NQO1: variants seen among roughly 807,000 people sequenced by gnomAD.
NQO1 encodes the protein NAD(P)H dehydrogenase [quinone] 1.
A neutral mutation model predicts 32.1 loss-of-function variants in NQO1; 30 were observed. The observed-to-expected ratio is 0.94, with a 90% CI of 0.70 to 1.27. The LOEUF is 1.27. Among genes scored for constraint, NQO1 ranks in the 50% most tolerant of loss-of-function variants. NQO1 has a pLI of 0.00. For synonymous variants in NQO1, 109 were observed against 119.7 expected, an observed-to-expected ratio of 0.91 and a Z score of 0.59; for missense variants, 276 against 331.3, an observed-to-expected ratio of 0.83 and a Z score of 1.30.
intron 3 of NQO1, among the ~76,000 whole-genome samples, chr16:69,716,192 A>ATC (rs1555537920): frequency 0.053 from 7,579 of 144,022 alleles, 504 homozygotes; most frequent in African/African-American, 0.15. Flanking sequence ...TAATAATAAT[A>ATC]ATCATCATCA....
chr16:69,716,971 C>T (rs79436701), intron 3 of NQO1, among the ~76,000 whole-genome samples: 4,486 of 151,496 alleles, frequency 0.03, 122 homozygotes, highest in East Asian at 0.13. Context: ...TTTTTAAAGC[C>T]GTCCTTTGGG....
intron 5 of NQO1, among the ~76,000 whole-genome samples, chr16:69,712,015 C>A (rs2038048098): frequency 6.6e-6 from 1 of 152,160 alleles, no homozygotes; most frequent in Non-Finnish European, 1.5e-5. Flanking sequence ...TAGAAATTAT[C>A]TTGAGGGTTT....
intron 5 of NQO1, among the ~76,000 whole-genome samples, chr16:69,711,654 CTT>C (rs903633662): frequency 2.9e-4 from 40 of 136,646 alleles, no homozygotes; most frequent in Non-Finnish European, 3.2e-4. Flanking sequence ...TTTTCTTTTT[CTT>C]TTTTTTTTTT....
intron 1 of NQO1, among the ~76,000 whole-genome samples, chr16:69,722,111 C>G (rs1205242891): frequency 7.1e-6 from 1 of 141,214 alleles, no homozygotes; most frequent in African/African-American, 2.7e-5. Flanking sequence ...CATACCCTAC[C>G]ATGAACAGTG....
chr16:69,722,256 C>T (rs554074457), intron 1 of NQO1, among the ~76,000 whole-genome samples: 2 of 152,178 alleles, frequency 1.3e-5, no homozygotes, highest in East Asian at 3.9e-4. Flanking sequence ...TTCTGCCTCC[C>T]GGGTTCAAGC....
intron 1 of NQO1, 27 bp from the exon 2 acceptor site, chr16:69,718,561 C>G (rs689452): frequency 0.87 from 1,398,293 of 1,609,374 alleles, 609,131 homozygotes; most frequent in Admixed American, 0.93. Context: ...AAAGCACACA[C>G]GGAAAACCCA....
chr16:69,713,155 C>T, intron 4 of NQO1, 26 bp from the exon 5 acceptor site: 1 of 1,529,722 alleles, frequency 6.5e-7, no homozygotes, highest in Non-Finnish European at 9.1e-7. Context: ...CAATAACAAA[C>T]TTCACTTCCC....
chr16:69,709,826 C>T lies in NQO1; in HGVS notation c.*1150G>A, dbSNP rs1328707589. The T allele has an allele frequency of 2.5e-6, 1 of 398,396 alleles. No individual in the cohort carries two copies. The highest frequency in any genetic ancestry group is 4.4e-5 in the Admixed American group (1 of 22,700). The allele number at this position is 398,396 out of a possible 1,614,324, so 24.7% of individuals were successfully genotyped here. A position where few individuals can be genotyped will look rare whatever the true frequency, so the allele number is the denominator to read the frequency against. ...TAAAACTCTAGGTTTACAATTGTAC[C>T]CCAAGGTCATGGGACTGGACCCCAT... On this transcript the variant is annotated 3_prime_UTR_variant, in exon 6 of 6. Transcript: ENST00000320623.
At chr16:69,717,995 A>G in intron 3 of NQO1, 128 bp downstream of exon 3, 1 of 1,282,296 alleles carries the variant, frequency 7.8e-7, no homozygotes. Context: ...CCTTTAAAGT[A>G]ATCACCCTTA....
chr16:69,723,075 T>C lies in NQO1; in HGVS notation c.7+3358A>G, dbSNP rs537160522. Among the ~76,000 whole-genome samples the C allele has an allele frequency of 7.5e-3, 1,148 of 152,178 alleles. 8 individuals carry two copies. Among genetic ancestry groups the C allele is most frequent in the Non-Finnish European group, 0.012 (846 of 67,990 alleles). Reference sequence around the variant, plus strand: ...CCAGAGTAGCTGGGATTACAGGCGCTCGCCGCCACGCCCGGCTAATTGTAT... The same window carrying C: ...CCAGAGTAGCTGGGATTACAGGCGCCCGCCGCCACGCCCGGCTAATTGTAT... On this transcript the variant is annotated intron_variant, in intron 1 of 5. Transcript: ENST00000320623.
intron 1 of NQO1, among the ~76,000 whole-genome samples, chr16:69,723,933 T>C (rs184097577): frequency 6.6e-6 from 1 of 152,262 alleles, no homozygotes. Flanking sequence ...CTATTAGAGT[T>C]TACCCTGAGA....
rs750831703 is a variant in NQO1 at position 69,711,060 on chromosome 16, C to T, written c.741G>A (p.Glu247=). The change falls in exon 6 of 6, where the codon GAG becomes GAA. Residue 247 remains glutamate, a synonymous_variant. Transcript: ENST00000320623. ...FLMKKEVQDE[E]KNKKFGLSVG... ...CAGAAAGGCCAAATTTCTTGTTTTT[C>T]TCCTCATCCTGTACCTCTTTTTTCA... The T allele has an allele frequency of 6.8e-6, 11 of 1,614,028 alleles. No homozygotes were observed. The highest frequency in any genetic ancestry group is 4.4e-5 in the South Asian group (4 of 91,084).
chr16:69,725,437 C>T (rs1339828957), intron 1 of NQO1, among the ~76,000 whole-genome samples: 1 of 152,172 alleles, frequency 6.6e-6, no homozygotes, highest in East Asian at 1.9e-4. Flanking sequence ...GTTATTTATG[C>T]CTTGGGTGGA....
At chr16:69,713,277 C>CA in intron 4 of NQO1, 148 bp from the exon 5 acceptor site, 1 of 636,296 alleles carries the variant, frequency 1.6e-6, no homozygotes, top group Non-Finnish European at 2.7e-6. Context: ...CCCTGAGCTA[C>CA]ATAATATGAC....
At chr16:69,718,878 T>C (rs1331383846) in intron 1 of NQO1, among the ~76,000 whole-genome samples, 3 of 151,758 alleles carry the variant, frequency 2.0e-5, no homozygotes, top group Non-Finnish European at 2.9e-5. Flanking sequence ...CTACTAAAAA[T>C]ACAAAAATTA....
chr16:69,711,282 CTG>C lies in NQO1; in HGVS notation c.520-3_520-2del. The C allele has an allele frequency of 6.2e-7, 1 of 1,604,488 alleles. No individual in the cohort carries two copies. The highest frequency in any genetic ancestry group is 8.5e-7 in the Non-Finnish European group (1 of 1,173,200). ...AGCCACAGAAATGCAGAATGCCACTCTGAGGATACAGAAAGCACAGAGAGGTA... is the reference window on the plus strand; with the variant it reads ...AGCCACAGAAATGCAGAATGCCACTCAGGATACAGAAAGCACAGAGAGGTA... On this transcript the variant is annotated splice_acceptor_variant and splice_polypyrimidine_tract_variant and intron_variant, in intron 5 of 5. Transcript: ENST00000320623. LOFTEE classifies it high-confidence loss of function.
At chr16:69,722,912 G>A (rs1177841674) in intron 1 of NQO1, among the ~76,000 whole-genome samples, 3 of 152,052 alleles carry the variant, frequency 2.0e-5, no homozygotes, top group Admixed American at 2.0e-4. Context: ...TTTACTGATC[G>A]CCGCTCTGAC....
chr16:69,720,100 C>A (rs560262055), intron 1 of NQO1, among the ~76,000 whole-genome samples: 2 of 152,044 alleles, frequency 1.3e-5, no homozygotes, highest in African/African-American at 4.8e-5. Flanking sequence ...CTCTACAAAA[C>A]GTACAAAAAT....
At chr16:69,715,766 G>A (rs945248843) in intron 3 of NQO1, among the ~76,000 whole-genome samples, 4 of 151,626 alleles carry the variant, frequency 2.6e-5, no homozygotes, top group Admixed American at 6.6e-5. Flanking sequence ...AGACCCCATC[G>A]TGGAAAAAAA....
Sources: allele counts gnomAD v4.1 joint callset (sites outside exome capture counted in the v4.1 genomes callset), GRCh38; gene constraint gnomAD v4.1.1; transcripts MANE v1.5; gene names NCBI Gene and HGNC (gene_info 2026-07-23, HGNC 2026-07-21).